The following KNL1 variants were observed in gnomAD, a reference collection of about 807,000 sequenced individuals.
KNL1 encodes the protein outer kinetochore KNL1 complex subunit KNL1.
Under a neutral mutation model 201.3 loss-of-function variants are expected in KNL1, and 66 were observed. That is an observed-to-expected ratio of 0.33 (90% CI 0.27 to 0.40). KNL1 has a LOEUF of 0.40. KNL1 is among the 10% of genes least tolerant of loss of function. KNL1 has a pLI of 1.00. For synonymous variants in KNL1, 895 were observed against 899.2 expected (o/e 1.00, Z 0.08); for missense variants, 2,815 against 2,690.5 (o/e 1.05, Z -1.02).
chr15:40,611,627 A>G (rs1359167234), intron 7 of KNL1, 116 bp downstream of exon 7: 1 of 166,892 alleles, frequency 6.0e-6, no homozygotes, highest in African/African-American at 2.4e-5. Flanking sequence ...AGTTATTTGC[A>G]GAATTTAGTA....
chr15:40,634,347 C>T (rs921011642), intron 13 of KNL1, among the ~76,000 whole-genome samples: 8 of 152,022 alleles, frequency 5.3e-5, no homozygotes, highest in Non-Finnish European at 1.0e-4. Context: ...CCTCGTGACC[C>T]GCCCACCTCA....
chr15:40,609,505 A>G (rs147620711), intron 5 of KNL1, among the ~76,000 whole-genome samples: 60 of 152,308 alleles, frequency 3.9e-4, no homozygotes, highest in African/African-American at 1.4e-3. Flanking sequence ...GCAGATGTCA[A>G]ATGCTCCTTG....
At position 40,624,295 on chromosome 15, in the gene KNL1, A is replaced by G. The variant is rs779558201; in HGVS notation, c.4031A>G (p.Asp1344Gly). 6.2e-7 allele frequency: 1 copy of G among 1,614,070 alleles called. No individual in the cohort carries two copies. Among genetic ancestry groups the G allele is most frequent in the South Asian group, 1.1e-5 (1 of 91,080 alleles). Residue 1344 changes from aspartate (D) to glycine (G), a missense_variant, in exon 10 of 26, where the codon GAT becomes GGT. Physicochemically the swap from Asp to Gly is moderately conservative, Grantham distance 94. Coordinates refer to ENST00000399668, the MANE Select transcript of KNL1 (RefSeq NM_144508.5). The part of the protein sequence containing the change: ...PVQNDLAYAN[D>G]FASEYYLESE... ...CAAAATGATCTTGCTTATGCAAATG[A>G]TTTTGCCAGTGAATATTACTTGGAA...
In KNL1 at chr15:40,663,632, T is replaced by C. The variant is rs780399422; in HGVS notation, c.*1444T>C. ...TAGTTTCATCAATTTCTAGCAGTAATAATAGACTTGCTGTAAGTATTGTTT... is the reference window on the plus strand; with the variant it reads ...TAGTTTCATCAATTTCTAGCAGTAACAATAGACTTGCTGTAAGTATTGTTT... On this transcript the variant is annotated 3_prime_UTR_variant, in exon 26 of 26. Transcript: ENST00000399668. 12 of 194,746 alleles carry C rather than the reference T, an allele frequency of 6.2e-5. No homozygotes were observed. Among genetic ancestry groups the C allele is most frequent in the Non-Finnish European group, 1.2e-4 (11 of 93,484 alleles). The allele number at this position is 194,746 out of a possible 1,614,324, so 12.1% of individuals were successfully genotyped here. A position where few individuals can be genotyped will look rare whatever the true frequency, so the allele number is the denominator to read the frequency against.
At chr15:40,596,124 G>A (rs8025846) in intron 1 of KNL1, among the ~76,000 whole-genome samples, 3,026 of 152,186 alleles carry the variant, frequency 0.02, 100 homozygotes, top group African/African-American at 0.07. Flanking sequence ...TTTTCTTGAT[G>A]CATGGCACCC....
chr15:40,625,474 C>A lies in KNL1; in HGVS notation c.5210C>A (p.Ala1737Asp), dbSNP rs751976060. 4 of 1,613,636 alleles carry A rather than the reference C, an allele frequency of 2.5e-6. No homozygotes were observed. Among genetic ancestry groups the A allele is most frequent in the Non-Finnish European group, 3.4e-6 (4 of 1,179,924 alleles). ...ATTAACATAGAAACTGAGGAAAAGG[C>A]CTTGATTGAGACATACCAAAAAGAG... ...DSINIETEEK[A>D]LIETYQKEIS... The change falls in exon 10 of 26, where the codon GCC (alanine) becomes GAC (aspartate). Residue 1737 changes from alanine to aspartate, a missense_variant. Around this residue, in one of 3 missense-constraint regions of KNL1, gnomAD observed 2,464 missense variants for 2,291.7 expected, o/e 1.08. Coordinates refer to ENST00000399668, the MANE Select transcript of KNL1 (RefSeq NM_144508.5).
chr15:40,659,000 G>A (rs1407761152), intron 24 of KNL1, among the ~76,000 whole-genome samples: 1 of 151,232 alleles, frequency 6.6e-6, no homozygotes, highest in Non-Finnish European at 1.5e-5. Flanking sequence ...AAAATAAAAT[G>A]AAATTGTGCT....
Position 40,640,964 on chromosome 15 carries a change from T to C in KNL1, c.5735T>C (p.Val1912Ala), listed in dbSNP as rs1354203401. 1 of 1,613,518 alleles carries C rather than the reference T, an allele frequency of 6.2e-7. No homozygotes were observed. Among genetic ancestry groups the C allele is most frequent in the Non-Finnish European group, 8.5e-7 (1 of 1,179,760 alleles). Residue 1912 changes from valine (V) to alanine (A), a missense_variant, in exon 14 of 26, where the codon GTT (valine) becomes GCT (alanine). This residue lies in a region of KNL1 where 2,464 missense variants were observed against 2,291.7 expected (regional missense o/e 1.08). Transcript: ENST00000399668. ...GAAGACCTGATGTTAAGTCAATATG[T>C]TTACCGACCCAAGATACAGATTTAT... The part of the protein sequence containing the change: ...TPEDLMLSQY[V>A]YRPKIQIYRE...
rs772115416 is a variant in KNL1, at chr15:40,621,662, A to C, written c.1398A>C (p.Pro466=). 201 of 1,612,922 alleles carry C rather than the reference A, an allele frequency of 1.2e-4. 2 individuals are homozygous for C. In the South Asian group the frequency reaches 2.2e-3, roughly 17 times the overall value. Residue 466 remains proline (P), a synonymous_variant, in exon 10 of 26, where the codon CCA becomes CCC. Transcript: ENST00000399668. ...ATTATGCTAAAATGTATTGCAATCC[A>C]GATGCTATGTCTTCTCTCACAGAGA... ...DSNYAKMYCN[P]DAMSSLTEKT...
At chr15:40,645,299 G>C (rs1227155734) in intron 15 of KNL1, among the ~76,000 whole-genome samples, 1 of 152,142 alleles carries the variant, frequency 6.6e-6, no homozygotes, top group African/African-American at 2.4e-5. Context: ...ATGAAATATA[G>C]TTGAAGTTTA....
Position 40,601,859 on chromosome 15 carries a change from C to CTTTTTT in KNL1, c.-17-1035_-17-1030dup, listed in dbSNP as rs36046773. 1.1e-4 allele frequency among the ~76,000 whole-genome samples: 7 copies of CTTTTTT among 64,620 alleles called. 1 individual carries two copies. The highest frequency in any genetic ancestry group is 1.5e-3 in the South Asian group (2 of 1,308). The allele number at this position is 64,620 out of a possible 152,430, so 42.4% of individuals were successfully genotyped here. A position where few individuals can be genotyped will look rare whatever the true frequency, so the allele number is the denominator to read the frequency against. On this transcript the variant is annotated intron_variant, in intron 1 of 25. Coordinates refer to ENST00000399668, the MANE Select transcript of KNL1 (RefSeq NM_144508.5). ...AAAAAAAAATTCCTTAAAAATGCAT[C>CTTTTTT]TTTTTTTTTTTTTTTTTTTTTTTTT...
chr15:40,606,579 C>T, intron 4 of KNL1, 127 bp downstream of exon 4: 1 of 555,902 alleles, frequency 1.8e-6, no homozygotes. Flanking sequence ...CTTGAATATA[C>T]TGGCATTCTT....
chr15:40,622,149 A>G lies in KNL1; in HGVS notation c.1885A>G (p.Ile629Val), dbSNP rs992312382. ...TGAACCATTTCAGCGATCAGACATA[A>G]TAGCCAAAAACAGCTTAACCGACAC... is the stretch of plus-strand genomic sequence containing the variant. ...RNEPFQRSDIIAKNSLTDTWN... is the reference protein window; with the variant it reads ...RNEPFQRSDIVAKNSLTDTWN... Residue 629 changes from isoleucine (I) to valine (V), a missense_variant, in exon 10 of 26, where the codon ATA becomes GTA. Ile to Val is a conservative substitution (Grantham distance 29, BLOSUM62 3). Around this residue, in one of 3 missense-constraint regions of KNL1, gnomAD observed 2,464 missense variants for 2,291.7 expected, o/e 1.08. Coordinates refer to ENST00000399668, the MANE Select transcript of KNL1 (RefSeq NM_144508.5). 2.5e-6 allele frequency: 4 copies of G among 1,614,036 alleles called. No homozygotes were observed. Among genetic ancestry groups the G allele is most frequent in the South Asian group, 1.1e-5 (1 of 91,084 alleles).
chr15:40,597,210 C>T (rs895992654), intron 1 of KNL1, among the ~76,000 whole-genome samples: 2 of 152,046 alleles, frequency 1.3e-5, no homozygotes, highest in Non-Finnish European at 2.9e-5. Flanking sequence ...TGCTGCAGCA[C>T]CCTTGGGTGC....
chr15:40,604,886 T>C (rs945295274), intron 2 of KNL1, among the ~76,000 whole-genome samples: 1 of 152,214 alleles, frequency 6.6e-6, no homozygotes, highest in African/African-American at 2.4e-5. Context: ...GTAAATTATG[T>C]TGTACTGATA....
intron 2 of KNL1, among the ~76,000 whole-genome samples, chr15:40,603,976 A>T (rs1028572236): frequency 6.6e-6 from 1 of 152,188 alleles, no homozygotes; most frequent in Non-Finnish European, 1.5e-5. Flanking sequence ...TGGTAAACTG[A>T]CAAGGCACCC....
intron 1 of KNL1, among the ~76,000 whole-genome samples, chr15:40,602,117 C>T (rs1595912720): frequency 6.6e-6 from 1 of 151,518 alleles, no homozygotes; most frequent in African/African-American, 2.4e-5. Context: ...GCAAGCTCCG[C>T]CTCCCGGGTT....
At position 40,628,138 on chromosome 15, in the gene KNL1, C is replaced by T; in HGVS notation, c.5445C>T (p.Ser1815=). Reference sequence around the variant, plus strand: ...ACAGTGTATTGATAAAAAACCTGAGCAGGACCCCATCTAGTTGCAGCAGCT... The same window carrying T: ...ACAGTGTATTGATAAAAAACCTGAGTAGGACCCCATCTAGTTGCAGCAGCT... ...SANSVLIKNL[S]RTPSSCSSSL... is the part of the protein sequence containing the mutation. The change falls in exon 11 of 26, where the codon AGC becomes AGT. Residue 1815 remains serine (S), a synonymous_variant. Coordinates refer to ENST00000399668, the MANE Select transcript of KNL1 (RefSeq NM_144508.5). 1 of 1,613,158 alleles carries T rather than the reference C, an allele frequency of 6.2e-7. No individual in the cohort carries two copies. The highest frequency in any genetic ancestry group is 8.5e-7 in the Non-Finnish European group (1 of 1,179,632).
chr15:40,640,856 A>T, intron 13 of KNL1, 56 bp from the exon 14 acceptor site: 2 of 1,014,226 alleles, frequency 2.0e-6, no homozygotes, highest in Non-Finnish European at 3.0e-6. Context: ...GTTAATTCTT[A>T]TATATGGTTT....
Sources: allele counts gnomAD v4.1 joint callset (sites outside exome capture counted in the v4.1 genomes callset), GRCh38; gene constraint gnomAD v4.1.1; regional missense constraint gnomAD v4.1.1; transcripts MANE v1.5; gene names NCBI Gene and HGNC (gene_info 2026-07-23, HGNC 2026-07-21).